The following TNFSF4 variants were observed in gnomAD, a reference collection of about 807,000 sequenced individuals.
TNFSF4 encodes TNF superfamily member 4, also known as tumor necrosis factor ligand superfamily member 4.
A neutral mutation model predicts 7.3 loss-of-function variants in TNFSF4; 4 were observed. The ratio of observed to expected loss-of-function variants is 0.55; its 90% CI spans 0.27 to 1.25. TNFSF4 has a LOEUF of 1.25. Ranked by LOEUF, TNFSF4 falls within the 50% of genes most tolerant of loss-of-function variation. TNFSF4 has a pLI of 0.12. For missense variants in TNFSF4, 181 were observed against 208.8 expected, an observed-to-expected ratio of 0.87 and a Z score of 0.82; for synonymous variants, 76 against 83.7, an observed-to-expected ratio of 0.91 and a Z score of 0.50.
chr1:173,415,719 A>C, the TNFSF4 span, among the ~76,000 whole-genome samples: 1 of 152,314 alleles, frequency 6.6e-6, no homozygotes, highest in East Asian at 1.9e-4. Context: ...TGGCTCCCTC[A>C]CAGGTGCAAG....
the TNFSF4 span, among the ~76,000 whole-genome samples, chr1:173,174,746 G>A: frequency 1.3e-5 from 2 of 152,136 alleles, no homozygotes; most frequent in Non-Finnish European, 2.9e-5. Flanking sequence ...TTTGGGTGGG[G>A]ACACAGAGCC....
the TNFSF4 span, among the ~76,000 whole-genome samples, chr1:173,406,478 T>C: frequency 6.6e-6 from 1 of 152,176 alleles, no homozygotes; most frequent in Non-Finnish European, 1.5e-5. Flanking sequence ...CAGGGTTGCA[T>C]TATAACTTCC....
chr1:173,332,355 T>C, the TNFSF4 span, among the ~76,000 whole-genome samples: 1 of 152,174 alleles, frequency 6.6e-6, no homozygotes, highest in Non-Finnish European at 1.5e-5. Context: ...TCACTTTCCC[T>C]AGCTGCCTTC....
At chr1:173,238,724 A>G in the TNFSF4 span, among the ~76,000 whole-genome samples, 1 of 149,338 alleles carries the variant, frequency 6.7e-6, no homozygotes, top group Non-Finnish European at 1.5e-5. Flanking sequence ...ACCAGTCAGA[A>G]TGGCTATTAC....
the TNFSF4 span, among the ~76,000 whole-genome samples, chr1:173,341,792 T>C: frequency 6.6e-6 from 1 of 152,166 alleles, no homozygotes; most frequent in Non-Finnish European, 1.5e-5. Context: ...GCTCTGATTT[T>C]TCCATTCTGG....
chr1:173,267,604 G>A, the TNFSF4 span, among the ~76,000 whole-genome samples: 3 of 152,004 alleles, frequency 2.0e-5, no homozygotes, highest in Admixed American at 2.0e-4. Flanking sequence ...TTATTAGTTC[G>A]TGGTTTCTGT....
At chr1:173,440,189 T>A in the TNFSF4 span, among the ~76,000 whole-genome samples, 39 of 152,196 alleles carry the variant, frequency 2.6e-4, no homozygotes, top group Non-Finnish European at 4.3e-4. Flanking sequence ...CCAGAGAACA[T>A]GCAGAACATC....
At chr1:173,366,157 C>T in the TNFSF4 span, among the ~76,000 whole-genome samples, 3 of 152,236 alleles carry the variant, frequency 2.0e-5, no homozygotes, top group South Asian at 2.1e-4. Flanking sequence ...ATCAGTATAT[C>T]GAAGAGATAT....
the TNFSF4 span, among the ~76,000 whole-genome samples, chr1:173,245,324 A>C: frequency 5.3e-5 from 8 of 152,274 alleles, no homozygotes; most frequent in African/African-American, 1.9e-4. Flanking sequence ...TTGAATATTT[A>C]ATTTCTCATT....
At chr1:173,323,838 GC>G in the TNFSF4 span, among the ~76,000 whole-genome samples, 91 of 152,288 alleles carry the variant, frequency 6.0e-4, no homozygotes, top group South Asian at 3.1e-3. Flanking sequence ...AATGAACAAA[GC>G]CTGCAAGAAA....
chr1:173,304,912 T>C, the TNFSF4 span, among the ~76,000 whole-genome samples: 4 of 151,986 alleles, frequency 2.6e-5, no homozygotes, highest in Non-Finnish European at 5.9e-5. Flanking sequence ...TTAAGTGCTA[T>C]CTCTTGAAGA....
At chr1:173,180,584 C>T (rs745762541), downstream of TNFSF4, among the ~76,000 whole-genome samples, 2 of 152,140 alleles carry the variant, frequency 1.3e-5, no homozygotes, top group African/African-American at 2.4e-5. Context: ...TCAAAAACTA[C>T]TATTTATTTG....
At chr1:173,395,122 T>C in the TNFSF4 span, among the ~76,000 whole-genome samples, 1 of 151,554 alleles carries the variant, frequency 6.6e-6, no homozygotes, top group Admixed American at 6.6e-5. Flanking sequence ...TTAACTAATA[T>C]AGATTTTGTT....
the TNFSF4 span, among the ~76,000 whole-genome samples, chr1:173,442,551 G>GTTTTT: frequency 1.2e-4 from 14 of 119,396 alleles, no homozygotes; most frequent in African/African-American, 4.7e-4. Flanking sequence ...TTTTGTTTTT[G>GTTTTT]TTTTTTTTTT....
chr1:173,246,598 CT>C, the TNFSF4 span, among the ~76,000 whole-genome samples: 20 of 152,226 alleles, frequency 1.3e-4, no homozygotes, highest in East Asian at 3.7e-3. Flanking sequence ...CAAGAACTTC[CT>C]AAGAAATGCT....
chr1:173,248,309 T>C, the TNFSF4 span, among the ~76,000 whole-genome samples: 37 of 150,488 alleles, frequency 2.5e-4, no homozygotes, highest in African/African-American at 8.6e-4. Flanking sequence ...GTGAGCCAGA[T>C]TGCACCACTG....
chr1:173,357,261 G>C, the TNFSF4 span, among the ~76,000 whole-genome samples: 3 of 152,180 alleles, frequency 2.0e-5, no homozygotes, highest in African/African-American at 7.2e-5. Context: ...TTTCATCTCA[G>C]TATTATCTCA....
intron 1 of TNFSF4, among the ~76,000 whole-genome samples, chr1:173,192,126 A>C (rs529853615): frequency 2.0e-5 from 3 of 152,204 alleles, no homozygotes; most frequent in Non-Finnish European, 4.4e-5. Context: ...GCAGTGAGCC[A>C]AGATCACACC....
chr1:173,353,444 T>TGTGTGCATGCTCCTGTGTGC, the TNFSF4 span, among the ~76,000 whole-genome samples: 3 of 152,200 alleles, frequency 2.0e-5, no homozygotes, highest in African/African-American at 7.2e-5. Context: ...TGTGCCTGTG[T>TGTGTGCATGCTCCTGTGTGC]GTGTGCATGC....
Sources: allele counts gnomAD v4.1 joint callset (sites outside exome capture counted in the v4.1 genomes callset), GRCh38; gene constraint gnomAD v4.1.1; transcripts MANE v1.5; gene names NCBI Gene and HGNC (gene_info 2026-07-23, HGNC 2026-07-21).